Variants in SCN7A observed in about 807,000 individuals in gnomAD.
SCN7A encodes the protein sodium channel protein type 7 subunit alpha.
In SCN7A, 138 loss-of-function variants were observed where a neutral mutation model predicts 155.2. That is an observed-to-expected ratio of 0.89 (90% CI 0.77 to 1.02). The LOEUF (loss-of-function observed/expected upper bound fraction) is 1.02. Ranked by LOEUF, SCN7A falls within the 50% of genes least tolerant of loss-of-function variation. The probability of loss-of-function intolerance (pLI) is 0.00; values close to 1 mark genes in which losing one functional copy is unlikely to be tolerated. For missense variants in SCN7A, 2,058 were observed against 1,986.6 expected, an observed-to-expected ratio of 1.04 and a Z score of -0.68; for synonymous variants, 693 against 649.0, an observed-to-expected ratio of 1.07 and a Z score of -1.03.
intron 11 of SCN7A, among the ~76,000 whole-genome samples, chr2:166,455,172 T>C (rs1363657571): frequency 2.0e-5 from 3 of 152,178 alleles, no homozygotes; most frequent in African/African-American, 7.2e-5. Context: ...TTCTAAATTA[T>C]GGAAGGTTCT....
intron 23 of SCN7A, among the ~76,000 whole-genome samples, chr2:166,411,566 G>A (rs1451577987): frequency 6.6e-6 from 1 of 151,972 alleles, no homozygotes; most frequent in East Asian, 1.9e-4. Flanking sequence ...TAAATCTATG[G>A]TATGAATGAA....
At chr2:166,489,268 TA>T (rs1207888703) in intron 1 of SCN7A, among the ~76,000 whole-genome samples, 1 of 152,220 alleles carries the variant, frequency 6.6e-6, no homozygotes, top group Non-Finnish European at 1.5e-5. Flanking sequence ...AAATGTTGTA[TA>T]ATGATTATAT....
At chr2:166,436,415 G>A (rs111357978) in intron 15 of SCN7A, 3 of 442,832 alleles carry the variant, frequency 6.8e-6, no homozygotes, top group Non-Finnish European at 9.0e-6. Context: ...CACCGTGATT[G>A]TAAGTTTCCT....
rs1257228276 is a variant in SCN7A at position 166,465,966 on chromosome 2, A to AC, written c.685dup (p.Val229GlyfsTer38). The AC allele has an allele frequency of 3.1e-6, 5 of 1,612,040 alleles. No homozygotes were observed. Among genetic ancestry groups the AC allele is most frequent in the Non-Finnish European group, 4.2e-6 (5 of 1,178,872 alleles). ...AAGCTGCTTCAAGCAGTGGATCAGG[A>AC]CCCCTACAAGGGATTTCAGACCTGG... On this transcript the variant is annotated frameshift_variant, in exon 8 of 26. Transcript: ENST00000643258. LOFTEE classifies it high-confidence loss of function.
At chr2:166,429,002 G>A (rs900630410) in intron 17 of SCN7A, among the ~76,000 whole-genome samples, 167 bp downstream of exon 17, 1 of 151,944 alleles carries the variant, frequency 6.6e-6, no homozygotes, top group East Asian at 1.9e-4. Flanking sequence ...GCCTATAACT[G>A]TCAGAGGAAA....
intron 18 of SCN7A, among the ~76,000 whole-genome samples, chr2:166,426,874 A>G (rs2105401415): frequency 6.6e-6 from 1 of 152,196 alleles, no homozygotes; most frequent in South Asian, 2.1e-4. Context: ...AATTTATTTA[A>G]AAATATAGGC....
intron 20 of SCN7A, among the ~76,000 whole-genome samples, chr2:166,417,569 A>G (rs1223557128): frequency 6.8e-6 from 1 of 146,838 alleles, no homozygotes; most frequent in Non-Finnish European, 1.5e-5. Context: ...TACAAATACT[A>G]GAATAAATAA....
chr2:166,426,039 T>C (rs1439545781), intron 18 of SCN7A, among the ~76,000 whole-genome samples: 1 of 152,072 alleles, frequency 6.6e-6, no homozygotes, highest in Non-Finnish European at 1.5e-5. Flanking sequence ...TCAGACCTGA[T>C]GAACAAGAAA....
At chr2:166,430,015 G>T (rs141977767) in intron 16 of SCN7A, among the ~76,000 whole-genome samples, 128 of 151,916 alleles carry the variant, frequency 8.4e-4, no homozygotes, top group African/African-American at 2.9e-3. Flanking sequence ...TTAAAATAAG[G>T]ATACCGTAAA....
chr2:166,413,993 ATATATATATAAATATAC>A (rs1175620449), intron 21 of SCN7A, among the ~76,000 whole-genome samples: 1 of 101,384 alleles, frequency 9.9e-6, no homozygotes. Context: ...ATATATATAT[ATATATATATAAATATAC>A]TATATATATG....
At chr2:166,437,144 A>T (rs924309868) in intron 15 of SCN7A, among the ~76,000 whole-genome samples, 4 of 152,202 alleles carry the variant, frequency 2.6e-5, no homozygotes, top group African/African-American at 7.2e-5. Flanking sequence ...GCCTAGGAGG[A>T]AAAAATGGTT....
At chr2:166,423,705 C>A (rs1484267887) in intron 18 of SCN7A, among the ~76,000 whole-genome samples, 1 of 151,962 alleles carries the variant, frequency 6.6e-6, no homozygotes, top group Non-Finnish European at 1.5e-5. Flanking sequence ...TTTTAAATAG[C>A]GATCCAAAAA....
intron 11 of SCN7A, among the ~76,000 whole-genome samples, chr2:166,454,108 A>T (rs1241000737): frequency 6.6e-6 from 1 of 152,180 alleles, no homozygotes; most frequent in African/African-American, 2.4e-5. Flanking sequence ...AAAACATTTC[A>T]TCTGGGATCA....
At chr2:166,445,285 C>T (rs1702038632) in intron 12 of SCN7A, among the ~76,000 whole-genome samples, 1 of 149,268 alleles carries the variant, frequency 6.7e-6, no homozygotes, top group Non-Finnish European at 1.5e-5. Flanking sequence ...CACTGCACTC[C>T]AGCCTGGGCA....
intron 7 of SCN7A, among the ~76,000 whole-genome samples, chr2:166,469,582 AGC>A (rs1333021545): frequency 2.0e-5 from 3 of 151,806 alleles, no homozygotes; most frequent in African/African-American, 7.2e-5. Context: ...GGTCCCTACT[AGC>A]CTGCAGGCTT....
intron 7 of SCN7A, among the ~76,000 whole-genome samples, chr2:166,469,516 C>T (rs1409708675): frequency 6.6e-6 from 1 of 151,494 alleles, no homozygotes; most frequent in Non-Finnish European, 1.5e-5. Context: ...TATTTTCATA[C>T]ACTCCATATT....
At chr2:166,456,804 AT>A in intron 11 of SCN7A, 65 bp downstream of exon 11, 1 of 28,064 alleles carries the variant, frequency 3.6e-5, no homozygotes, top group Non-Finnish European at 7.3e-5. Context: ...CAAGACTAAA[AT>A]ATATATATAT....
rs16852208 is a variant in SCN7A, at chr2:166,491,046, C to T, written c.-128+2922G>A. On this transcript the variant is annotated intron_variant, in intron 1 of 25. Coordinates refer to ENST00000643258, the MANE Select transcript of SCN7A (RefSeq NM_002976.4). ...TAATCAAGTGCTTAGACCATGTCGC[C>T]TCTGGGAGAACTCAGAGAGTGAGCA... Among the ~76,000 whole-genome samples the T allele has an allele frequency of 8.7e-4, 133 of 152,282 alleles. 2 individuals are homozygous for T. In the East Asian group the frequency reaches 0.024, roughly 28 times the overall value.
chr2:166,408,603 G>A (rs757501323), intron 25 of SCN7A, among the ~76,000 whole-genome samples: 6 of 151,640 alleles, frequency 4.0e-5, no homozygotes, highest in Non-Finnish European at 8.8e-5. Context: ...TTGTCTTCAT[G>A]TACTTTTCTA....
Sources: allele counts gnomAD v4.1 joint callset (sites outside exome capture counted in the v4.1 genomes callset), GRCh38; gene constraint gnomAD v4.1.1; transcripts MANE v1.5; gene names NCBI Gene and HGNC (gene_info 2026-07-23, HGNC 2026-07-21).